Variants in RBFOX1 observed in about 807,000 individuals in gnomAD.
RBFOX1 encodes RNA binding protein fox-1 homolog 1.
RBFOX1 carries 8 observed loss-of-function variants against 57.7 expected under a neutral mutation model. The ratio of observed to expected loss-of-function variants is 0.14; its 90% CI spans 0.08 to 0.25. The LOEUF is 0.25. Among genes scored for constraint, RBFOX1 ranks in the 10% least tolerant of loss-of-function variants. The pLI, the probability that RBFOX1 is intolerant of heterozygous loss-of-function variation, is 1.00. For synonymous variants in RBFOX1, 326 were observed against 222.4 expected (o/e 1.47, Z -4.15); for missense variants, 611 against 548.5 (o/e 1.11, Z -1.14).
intron 2 of RBFOX1, among the ~76,000 whole-genome samples, chr16:6,430,487 A>T (rs1038753723): frequency 6.6e-6 from 1 of 152,316 alleles, no homozygotes; most frequent in African/African-American, 2.4e-5. Context: ...TTTCTAGGCA[A>T]ACTCAAGTGG....
At position 7,640,968 on chromosome 16, in the gene RBFOX1, C is replaced by T. The variant is rs552314323; in HGVS notation, c.757+10285C>T. On this transcript the variant is annotated intron_variant, in intron 11 of 15. Coordinates refer to ENST00000550418, the MANE Select transcript of RBFOX1 (RefSeq NM_018723.4). ...TGAGCAGGTAAGTTGCAGGGGCCAACGGCAAGATCTTGCTTGGTTCTTGGA... is the reference window on the plus strand; with the variant it reads ...TGAGCAGGTAAGTTGCAGGGGCCAATGGCAAGATCTTGCTTGGTTCTTGGA... Among the ~76,000 whole-genome samples the T allele has an allele frequency of 3.3e-5, 5 of 150,748 alleles. No homozygotes were observed. In the East Asian group the frequency reaches 7.9e-4, roughly 24 times the overall value.
chr16:6,573,119 A>AT (rs2097368610), intron 2 of RBFOX1, among the ~76,000 whole-genome samples: 1 of 152,070 alleles, frequency 6.6e-6, no homozygotes, highest in Non-Finnish European at 1.5e-5. Flanking sequence ...GGCACTGCAG[A>AT]TTTTTGCACC....
At chr16:6,877,713 T>G (rs8063781) in intron 3 of RBFOX1, among the ~76,000 whole-genome samples, 2 of 152,006 alleles carry the variant, frequency 1.3e-5, no homozygotes, top group African/African-American at 4.8e-5. Context: ...AAATAGAGGC[T>G]CAAAGAAGTT....
At chr16:7,570,545 G>A (rs769661590) in intron 5 of RBFOX1, among the ~76,000 whole-genome samples, 5 of 152,156 alleles carry the variant, frequency 3.3e-5, no homozygotes, top group Non-Finnish European at 5.9e-5. Flanking sequence ...ATTTATCTAC[G>A]CTTGCAGCTA....
chr16:6,328,819 T>G (rs1016712277), intron 2 of RBFOX1, among the ~76,000 whole-genome samples: 5 of 152,234 alleles, frequency 3.3e-5, no homozygotes, highest in African/African-American at 1.2e-4. Context: ...GCTTGGGCAG[T>G]GATCATTTCA....
intron 4 of RBFOX1, among the ~76,000 whole-genome samples, chr16:7,505,586 GA>G (rs1020976429): frequency 6.6e-6 from 1 of 152,214 alleles, no homozygotes; most frequent in African/African-American, 2.4e-5. Flanking sequence ...AAAGAGTTGA[GA>G]AAAACAGCCT....
At chr16:6,616,606 C>T (rs1371681037) in intron 2 of RBFOX1, among the ~76,000 whole-genome samples, 1 of 152,132 alleles carries the variant, frequency 6.6e-6, no homozygotes, top group Admixed American at 6.6e-5. Context: ...AACCTGGAGG[C>T]GGAGCTTGCA....
At chr16:6,537,388 T>G (rs559646138) in intron 2 of RBFOX1, among the ~76,000 whole-genome samples, 84 of 152,332 alleles carry the variant, frequency 5.5e-4, no homozygotes, top group African/African-American at 1.9e-3. Flanking sequence ...ATTGTGTAGG[T>G]ATTCATATAG....
intron 3 of RBFOX1, among the ~76,000 whole-genome samples, chr16:6,657,800 C>G (rs1177215594): frequency 1.3e-5 from 2 of 152,118 alleles, no homozygotes; most frequent in African/African-American, 4.8e-5. Flanking sequence ...TGAAAGAGAA[C>G]TGGTGGTGCT....
chr16:7,191,953 A>G (rs2085494280), intron 4 of RBFOX1, among the ~76,000 whole-genome samples: 1 of 152,256 alleles, frequency 6.6e-6, no homozygotes, highest in Non-Finnish European at 1.5e-5. Context: ...AAATTTCCTG[A>G]GCCGTCTCCC....
At chr16:6,192,432 C>G (rs991645727) in intron 1 of RBFOX1, among the ~76,000 whole-genome samples, 3 of 151,674 alleles carry the variant, frequency 2.0e-5, no homozygotes, top group African/African-American at 7.3e-5. Context: ...TATTTGAGCC[C>G]CTCTACCTCC....
At chr16:7,401,777 G>A (rs1181643515) in intron 4 of RBFOX1, among the ~76,000 whole-genome samples, 1 of 152,158 alleles carries the variant, frequency 6.6e-6, no homozygotes, top group Non-Finnish European at 1.5e-5. Context: ...GCACAACTCA[G>A]GAGATGTCAT....
chr16:6,712,999 G>T (rs191622841), intron 3 of RBFOX1, among the ~76,000 whole-genome samples: 2 of 146,724 alleles, frequency 1.4e-5, no homozygotes, highest in East Asian at 2.1e-4. Flanking sequence ...CTTGCCTGCC[G>T]CCATGTAAGA....
At chr16:7,515,885 C>T (rs2076244166) in intron 4 of RBFOX1, among the ~76,000 whole-genome samples, 1 of 152,076 alleles carries the variant, frequency 6.6e-6, no homozygotes, top group Non-Finnish European at 1.5e-5. Context: ...TGCTCTGTGG[C>T]CCAGGCTGGA....
At chr16:6,229,919 T>C (rs947331757) in intron 1 of RBFOX1, among the ~76,000 whole-genome samples, 4 of 152,148 alleles carry the variant, frequency 2.6e-5, no homozygotes, top group African/African-American at 9.7e-5. Context: ...CTCGCGAAAG[T>C]GATCCTCATC....
chr16:5,811,693 C>A (rs927394770), intron 3 of RBFOX1, among the ~76,000 whole-genome samples: 7 of 152,096 alleles, frequency 4.6e-5, no homozygotes, highest in Admixed American at 6.5e-5. Flanking sequence ...TCGTGGTCTG[C>A]CCGCCTTGGC....
At chr16:6,342,425 A>C (rs180970276) in intron 2 of RBFOX1, among the ~76,000 whole-genome samples, 4 of 152,276 alleles carry the variant, frequency 2.6e-5, no homozygotes, top group East Asian at 3.9e-4. Flanking sequence ...AATGAATACA[A>C]AACGTCAAGG....
chr16:6,600,355 C>G (rs2097837762), intron 2 of RBFOX1, among the ~76,000 whole-genome samples: 1 of 152,156 alleles, frequency 6.6e-6, no homozygotes. Flanking sequence ...CAGGAGGCTG[C>G]TCTGCTAAGC....
At chr16:6,612,562 T>C (rs1375457036) in intron 2 of RBFOX1, among the ~76,000 whole-genome samples, 1 of 152,088 alleles carries the variant, frequency 6.6e-6, no homozygotes, top group Admixed American at 6.5e-5. Flanking sequence ...GTTAAAAACA[T>C]TTGTTTGGCC....
Sources: allele counts gnomAD v4.1 joint callset (sites outside exome capture counted in the v4.1 genomes callset), GRCh38; gene constraint gnomAD v4.1.1; transcripts MANE v1.5; gene names NCBI Gene and HGNC (gene_info 2026-07-23, HGNC 2026-07-21).